AGBL1: variants seen among roughly 807,000 people sequenced by gnomAD.
AGBL1 encodes AGBL carboxypeptidase 1.
AGBL1 carries 130 observed loss-of-function variants against 118.9 expected under a neutral mutation model. The ratio of observed to expected loss-of-function variants is 1.09; its 90% CI spans 0.95 to 1.26. The LOEUF is 1.26. Among genes scored for constraint, AGBL1 ranks in the 50% most tolerant of loss-of-function variants. The pLI, the probability that AGBL1 is intolerant of heterozygous loss-of-function variation, is 0.00. For missense variants in AGBL1, 1,584 were observed against 1,298.1 expected, an observed-to-expected ratio of 1.22 and a Z score of -3.38; for synonymous variants, 555 against 478.9, an observed-to-expected ratio of 1.16 and a Z score of -2.08.
intron 5 of AGBL1, among the ~76,000 whole-genome samples, chr15:86,167,175 A>T (rs2077353130): frequency 6.6e-6 from 1 of 152,090 alleles, no homozygotes; most frequent in Admixed American, 6.6e-5. Context: ...GAGGTATGGA[A>T]AGACTCTTAT....
At chr15:86,943,831 G>A (rs2080783797) in intron 23 of AGBL1, among the ~76,000 whole-genome samples, 1 of 152,074 alleles carries the variant, frequency 6.6e-6, no homozygotes, top group Non-Finnish European at 1.5e-5. Flanking sequence ...CCTTACCAAG[G>A]ACTCTCTTAC....
intron 17 of AGBL1, among the ~76,000 whole-genome samples, chr15:86,315,539 C>G (rs1277204990): frequency 1.3e-5 from 2 of 151,754 alleles, no homozygotes; most frequent in Non-Finnish European, 2.9e-5. Context: ...CATGGTGAAA[C>G]CCCGTCTCTA....
At chr15:86,901,803 C>G (rs924954569) in intron 22 of AGBL1, among the ~76,000 whole-genome samples, 2 of 151,924 alleles carry the variant, frequency 1.3e-5, no homozygotes, top group African/African-American at 4.8e-5. Flanking sequence ...TCATGTAAAC[C>G]TACATAGTTT....
chr15:86,955,732 T>C (rs781383283), intron 23 of AGBL1, among the ~76,000 whole-genome samples: 9 of 151,860 alleles, frequency 5.9e-5, no homozygotes, highest in Non-Finnish European at 1.0e-4. Flanking sequence ...TGAAAATAAA[T>C]TAACAACCGG....
At chr15:87,011,741 T>G (rs1443433771) in intron 24 of AGBL1, among the ~76,000 whole-genome samples, 1 of 152,222 alleles carries the variant, frequency 6.6e-6, no homozygotes, top group Non-Finnish European at 1.5e-5. Context: ...GTGTATTTTC[T>G]GAGATATTTG....
intron 19 of AGBL1, among the ~76,000 whole-genome samples, chr15:86,536,112 G>GTT (rs1295666567): frequency 2.6e-5 from 4 of 152,202 alleles, no homozygotes; most frequent in African/African-American, 9.6e-5. Flanking sequence ...TCAGAATGAA[G>GTT]GTTAAACAAG....
chr15:86,777,164 C>T (rs1335176489), intron 22 of AGBL1, among the ~76,000 whole-genome samples: 3 of 151,998 alleles, frequency 2.0e-5, no homozygotes, highest in African/African-American at 7.2e-5. Context: ...AAACCTACTT[C>T]CATTATGTGC....
At chr15:86,916,344 A>G (rs746605693), downstream of AGBL1, among the ~76,000 whole-genome samples, 55 of 152,122 alleles carry the variant, frequency 3.6e-4, no homozygotes, top group Non-Finnish European at 6.9e-4. Flanking sequence ...TAAATTTTTT[A>G]AAGAAGAAAA....
intron 17 of AGBL1, among the ~76,000 whole-genome samples, chr15:86,373,483 T>C (rs375894353): frequency 2.0e-5 from 3 of 152,314 alleles, no homozygotes; most frequent in East Asian, 3.9e-4. Context: ...ATGAGGGTTT[T>C]AGAAAGTTCT....
chr15:86,683,246 G>C (rs575562973), intron 22 of AGBL1, among the ~76,000 whole-genome samples: 1 of 151,924 alleles, frequency 6.6e-6, no homozygotes, highest in African/African-American at 2.4e-5. Context: ...TGTGTTTCTG[G>C]GTAAGTTTTA....
intron 18 of AGBL1, among the ~76,000 whole-genome samples, chr15:86,421,789 G>T (rs1450561942): frequency 6.6e-6 from 1 of 152,090 alleles, no homozygotes; most frequent in Non-Finnish European, 1.5e-5. Flanking sequence ...AAAAAAAGCA[G>T]GGGTTGCAAT....
At chr15:86,130,871 T>C (rs939664220) in intron 1 of AGBL1, among the ~76,000 whole-genome samples, 2 of 152,208 alleles carry the variant, frequency 1.3e-5, no homozygotes, top group African/African-American at 2.4e-5. Context: ...GGGCAGTTCT[T>C]TCCTGGTGTC....
At position 86,664,093 on chromosome 15, in the gene AGBL1, G is replaced by A. The variant is rs114508730; in HGVS notation, c.2995-10180G>A. 4.9e-3 allele frequency among the ~76,000 whole-genome samples: 753 copies of A among 152,286 alleles called. 4 individuals are homozygous for A. The highest frequency in any genetic ancestry group is 0.017 in the African/African-American group (706 of 41,564). On this transcript the variant is annotated intron_variant, in intron 21 of 22. Transcript: ENST00000614907. Reference sequence around the variant, plus strand: ...TCTAGCCCACACCTTCAACCCTGCTGTGCCAGTGAATATATGGCCTTTTTT... The same window carrying A: ...TCTAGCCCACACCTTCAACCCTGCTATGCCAGTGAATATATGGCCTTTTTT...
chr15:86,741,791 C>G (rs2077683874), intron 22 of AGBL1, among the ~76,000 whole-genome samples: 1 of 151,922 alleles, frequency 6.6e-6, no homozygotes, highest in African/African-American at 2.4e-5. Flanking sequence ...TTAACCTCTC[C>G]TTGTTTTAGT....
intron 21 of AGBL1, among the ~76,000 whole-genome samples, chr15:86,589,301 C>T (rs2084300081): frequency 6.6e-6 from 1 of 152,052 alleles, no homozygotes; most frequent in Non-Finnish European, 1.5e-5. Context: ...TGCAGTGGGG[C>T]ATCTCAGCAA....
chr15:86,628,255 G>A (rs2447276), intron 21 of AGBL1, among the ~76,000 whole-genome samples: 59,971 of 152,012 alleles, frequency 0.39, 12,865 homozygotes, highest in Middle Eastern at 0.56. Context: ...TGGATGGTGC[G>A]GAGGCCACAG....
At chr15:86,369,558 G>A (rs8035227) in intron 17 of AGBL1, among the ~76,000 whole-genome samples, 6,051 of 152,186 alleles carry the variant, frequency 0.04, 386 homozygotes, top group African/African-American at 0.14. Flanking sequence ...TAAAATGAGT[G>A]TGTGTATGTA....
chr15:86,787,583 G>A (rs1476362475), intron 22 of AGBL1, among the ~76,000 whole-genome samples: 4 of 152,148 alleles, frequency 2.6e-5, no homozygotes, highest in Admixed American at 6.5e-5. Flanking sequence ...ATTCATAAAT[G>A]TCAGGATCTT....
intron 16 of AGBL1, among the ~76,000 whole-genome samples, chr15:86,293,868 C>G (rs188666688): frequency 4.1e-4 from 63 of 152,240 alleles, no homozygotes; most frequent in Admixed American, 1.8e-3. Context: ...TGGGCGGTTT[C>G]TCCTTGGCCC....
Sources: allele counts gnomAD v4.1 joint callset (sites outside exome capture counted in the v4.1 genomes callset), GRCh38; gene constraint gnomAD v4.1.1; transcripts MANE v1.5; gene names NCBI Gene and HGNC (gene_info 2026-07-23, HGNC 2026-07-21).